Variants in WBP4 observed in about 807,000 individuals in gnomAD.
WBP4 encodes WW domain binding protein 4.
In WBP4, 37 loss-of-function variants were observed where a neutral mutation model predicts 55.4. The observed-to-expected ratio is 0.67, with a 90% CI of 0.51 to 0.88. The LOEUF is 0.88. WBP4 is among the 40% of genes least tolerant of loss of function. The pLI, the probability that WBP4 is intolerant of heterozygous loss-of-function variation, is 0.00. For synonymous variants in WBP4, 142 were observed against 140.2 expected (o/e 1.01, Z -0.09); for missense variants, 398 against 420.8 (o/e 0.95, Z 0.47).
intron 9 of WBP4, 39 bp from the exon 10 acceptor site, chr13:41,082,665 A>G: frequency 1.3e-6 from 2 of 1,599,648 alleles, no homozygotes; most frequent in Non-Finnish European, 8.6e-7. Context: ...CGTTTGTCTT[A>G]CCCTGTCAAA....
chr13:41,063,989 T>G (rs983894677), intron 2 of WBP4, among the ~76,000 whole-genome samples: 4 of 152,036 alleles, frequency 2.6e-5, no homozygotes, highest in African/African-American at 4.8e-5. Context: ...CATTTCTGAT[T>G]GTTTAAATAG....
chr13:41,067,073 C>T (rs1031228943), intron 4 of WBP4, among the ~76,000 whole-genome samples: 4 of 152,106 alleles, frequency 2.6e-5, no homozygotes, highest in Admixed American at 2.6e-4. Context: ...ACTGTAGCCT[C>T]GACCTCCCGG....
intron 4 of WBP4, among the ~76,000 whole-genome samples, chr13:41,065,493 C>T (rs1877934368): frequency 6.6e-6 from 1 of 152,048 alleles, no homozygotes; most frequent in Non-Finnish European, 1.5e-5. Flanking sequence ...CTTTTAACAC[C>T]TTCATTCATA....
chr13:41,076,969 G>T (rs1878521293), intron 8 of WBP4, among the ~76,000 whole-genome samples: 1 of 152,134 alleles, frequency 6.6e-6, no homozygotes, highest in African/African-American at 2.4e-5. Context: ...ACTTAGGATA[G>T]AAATGATTAA....
rs1355288041 is a variant in WBP4 at position 41,071,526 on chromosome 13, G to A, written c.440-1G>A. 1 of 1,602,464 alleles carries A rather than the reference G, an allele frequency of 6.2e-7. No individual in the cohort carries two copies. The highest frequency in any genetic ancestry group is 1.3e-5 in the African/African-American group (1 of 74,200). ...ATAAATGCAATATATTTTGCTTTAA[G>A]CATCTCAGTGGGAGAAACCTGAAGG... On this transcript the variant is annotated splice_acceptor_variant, in intron 5 of 9. Coordinates refer to ENST00000379487, the MANE Select transcript of WBP4 (RefSeq NM_007187.5). LOFTEE classifies it high-confidence loss of function.
intron 2 of WBP4, among the ~76,000 whole-genome samples, chr13:41,063,922 G>T (rs1877824413): frequency 6.6e-6 from 1 of 152,002 alleles, no homozygotes; most frequent in Admixed American, 6.6e-5. Flanking sequence ...AACTTATTTT[G>T]CAGAGCTTGT....
At chr13:41,068,526 A>G (rs769815679) in intron 4 of WBP4, 35 bp from the exon 5 acceptor site, 1 of 1,502,794 alleles carries the variant, frequency 6.7e-7, no homozygotes. Flanking sequence ...AATAGTAGTT[A>G]CTATAGCTGC....
At chr13:41,065,380 G>T in intron 4 of WBP4, 93 bp downstream of exon 4, 3 of 1,444,536 alleles carry the variant, frequency 2.1e-6, no homozygotes, top group Admixed American at 2.9e-5. Flanking sequence ...CCATAAAGAG[G>T]TTATAAACTC....
chr13:41,076,106 G>A lies in WBP4; in HGVS notation c.625G>A (p.Val209Ile). The A allele has an allele frequency of 8.1e-6, 13 of 1,613,304 alleles. No individual in the cohort carries two copies. Among genetic ancestry groups the A allele is most frequent in the South Asian group, 1.1e-5 (1 of 91,044 alleles). ...PHTSDLPSSK[V>I]NENSLGTLDE... ...CACTAGTGATCTGCCTTCTAGTAAG[G>A]TCAATGAAAATTCACTTGGCACCCT... Residue 209 changes from valine to isoleucine, a missense_variant, in exon 8 of 10, where the codon GTC (valine) becomes ATC (isoleucine). Coordinates refer to ENST00000379487, the MANE Select transcript of WBP4 (RefSeq NM_007187.5).
At chr13:41,079,606 C>T (rs1395787231) in intron 8 of WBP4, among the ~76,000 whole-genome samples, 1 of 147,716 alleles carries the variant, frequency 6.8e-6, no homozygotes, top group Non-Finnish European at 1.5e-5. Context: ...GAAAGGGAAA[C>T]ACTTATACAC....
chr13:41,077,317 A>G (rs947310166), intron 8 of WBP4, among the ~76,000 whole-genome samples: 1 of 152,182 alleles, frequency 6.6e-6, no homozygotes, highest in African/African-American at 2.4e-5. Flanking sequence ...ATACCTCATA[A>G]TAATAAAATA....
intron 1 of WBP4, 125 bp downstream of exon 1, chr13:41,061,800 C>A: frequency 1.4e-6 from 2 of 1,475,682 alleles, no homozygotes; most frequent in Non-Finnish European, 1.9e-6. Context: ...GTTCTTAACT[C>A]GCTCGGGACC....
chr13:41,073,935 CTT>C (rs752889009), intron 7 of WBP4, among the ~76,000 whole-genome samples: 5 of 144,562 alleles, frequency 3.5e-5, no homozygotes, highest in Non-Finnish European at 6.1e-5. Context: ...TTATCTAAAA[CTT>C]TTTTTTTTTT....
At chr13:41,071,434 T>C (rs1555285047) in intron 5 of WBP4, 93 bp from the exon 6 acceptor site, 3 of 1,000,354 alleles carry the variant, frequency 3.0e-6, no homozygotes, top group Non-Finnish European at 1.5e-6. Context: ...TGTAGTGTTT[T>C]GTACATAATG....
intron 4 of WBP4, among the ~76,000 whole-genome samples, chr13:41,067,337 T>C (rs7997005): frequency 0.012 from 1,885 of 152,350 alleles, 26 homozygotes; most frequent in African/African-American, 0.033. Flanking sequence ...CACTACTTAT[T>C]GATCTTCTGC....
At chr13:41,070,169 A>T (rs1398181965) in intron 5 of WBP4, among the ~76,000 whole-genome samples, 1 of 152,180 alleles carries the variant, frequency 6.6e-6, no homozygotes, top group Non-Finnish European at 1.5e-5. Context: ...ATTCATTGTG[A>T]TTATGTAGCT....
At chr13:41,062,381 A>T in intron 1 of WBP4, 1 of 847,588 alleles carries the variant, frequency 1.2e-6, no homozygotes, top group Non-Finnish European at 1.4e-6. Context: ...CATAACGATG[A>T]CGATAACAAG....
Position 41,083,008 on chromosome 13 carries a change from A to G in WBP4, c.*94A>G. The G allele has an allele frequency of 1.8e-6, 2 of 1,115,564 alleles. No individual in the cohort carries two copies. The highest frequency in any genetic ancestry group is 2.5e-6 in the Non-Finnish European group (2 of 785,482). The allele number at this position is 1,115,564 out of a possible 1,614,324, so 69.1% of individuals were successfully genotyped here. A position where few individuals can be genotyped will look rare whatever the true frequency, so the allele number is the denominator to read the frequency against. Reference sequence around the variant, plus strand: ...GTTTGTTTGTAAGTATTATGATGCTAAAAATTTAGATTTATTCTAAATGTA... The same window carrying G: ...GTTTGTTTGTAAGTATTATGATGCTGAAAATTTAGATTTATTCTAAATGTA... On this transcript the variant is annotated 3_prime_UTR_variant, in exon 10 of 10. Coordinates refer to ENST00000379487, the MANE Select transcript of WBP4 (RefSeq NM_007187.5).
intron 2 of WBP4, 30 bp from the exon 3 acceptor site, chr13:41,064,983 TTTC>T: frequency 6.6e-7 from 1 of 1,525,796 alleles, no homozygotes; most frequent in Non-Finnish European, 8.8e-7. Context: ...TTTATGTAGT[TTTC>T]TTTTGTTATT....
Sources: gnomAD v4.1 joint callset for allele counts (sites outside exome capture counted in the v4.1 genomes callset) on GRCh38, gnomAD v4.1.1 for gene constraint, MANE v1.5 for transcripts, NCBI Gene and HGNC (gene_info 2026-07-23, HGNC 2026-07-21) for gene names.